The following TRABD2B variants were observed in gnomAD, a reference collection of about 807,000 sequenced individuals.
TRABD2B encodes metalloprotease TIKI2.
TRABD2B carries 14 observed loss-of-function variants against 40.1 expected under a neutral mutation model. The observed-to-expected ratio is 0.35, with a 90% CI of 0.23 to 0.55. TRABD2B has a LOEUF of 0.55. Among genes scored for constraint, TRABD2B ranks in the 20% least tolerant of loss-of-function variants. The pLI is 0.90. For synonymous variants in TRABD2B, 263 were observed against 277.0 expected (o/e 0.95, Z 0.50); for missense variants, 541 against 648.6 (o/e 0.83, Z 1.80).
intron 2 of TRABD2B, among the ~76,000 whole-genome samples, chr1:47,915,028 C>T (rs184568194): frequency 1.3e-5 from 2 of 152,350 alleles, no homozygotes; most frequent in African/African-American, 4.8e-5. Context: ...TGCCATGAGG[C>T]AGATTCATTA....
At chr1:47,931,595 A>T (rs1645040667) in intron 2 of TRABD2B, among the ~76,000 whole-genome samples, 1 of 152,128 alleles carries the variant, frequency 6.6e-6, no homozygotes, top group South Asian at 2.1e-4. Context: ...GAGAAGTTCA[A>T]CTATGCTTCT....
intron 2 of TRABD2B, among the ~76,000 whole-genome samples, chr1:47,848,772 G>A (rs557339628): frequency 6.6e-6 from 1 of 152,292 alleles, no homozygotes; most frequent in South Asian, 2.1e-4. Context: ...CACAGCAAAG[G>A]AATAATGGGA....
At chr1:47,914,750 G>A (rs755386553) in intron 2 of TRABD2B, among the ~76,000 whole-genome samples, 8 of 152,210 alleles carry the variant, frequency 5.3e-5, no homozygotes, top group Non-Finnish European at 1.0e-4. Context: ...CAGCAGAATC[G>A]GAACCAGGTC....
chr1:47,775,341 G>A lies in TRABD2B; in HGVS notation c.1178C>T (p.Thr393Ile), dbSNP rs1644430355. 3 of 1,241,344 alleles carry A rather than the reference G, an allele frequency of 2.4e-6. No individual in the cohort carries two copies. The highest frequency in any genetic ancestry group is 2.0e-6 in the Non-Finnish European group (2 of 991,212). The allele number at this position is 1,241,344 out of a possible 1,614,324, so 76.9% of individuals were successfully genotyped here. ...AAAVPEAPSVTPTAPPEDEDP... is the reference protein window; with the variant it reads ...AAAVPEAPSVIPTAPPEDEDP... ...CTCATCCTCTGGTGGGGCGGTGGGG[G>A]TCACAGAGGGTGCTTCGGGGACAGC... The change falls in exon 6 of 7, where the codon ACC becomes ATC. Residue 393 changes from threonine (T) to isoleucine (I), a missense_variant. Thr to Ile is a moderately conservative substitution (Grantham distance 89). This residue lies in a region of TRABD2B where 172 missense variants were observed against 155.8 expected (regional missense o/e 1.10). Coordinates refer to ENST00000606738, the MANE Select transcript of TRABD2B (RefSeq NM_001194986.2).
chr1:47,888,534 T>G (rs1248626442), intron 2 of TRABD2B, among the ~76,000 whole-genome samples: 1 of 152,210 alleles, frequency 6.6e-6, no homozygotes, highest in East Asian at 1.9e-4. Context: ...CTCCTGTCCC[T>G]TCTTCAGATC....
At chr1:47,945,246 C>T (rs1645244994) in intron 2 of TRABD2B, among the ~76,000 whole-genome samples, 1 of 152,130 alleles carries the variant, frequency 6.6e-6, no homozygotes, top group South Asian at 2.1e-4. Context: ...AGACGATGAG[C>T]CCCCAGGCAC....
chr1:47,789,714 TG>T (rs776978729), intron 4 of TRABD2B, among the ~76,000 whole-genome samples: 2 of 152,158 alleles, frequency 1.3e-5, no homozygotes, highest in African/African-American at 2.4e-5. Flanking sequence ...CCAAATTACT[TG>T]CCTGCCAGCC....
At chr1:47,771,977 G>C (rs570421094) in intron 6 of TRABD2B, among the ~76,000 whole-genome samples, 2 of 152,188 alleles carry the variant, frequency 1.3e-5, no homozygotes, top group East Asian at 3.9e-4. Flanking sequence ...TGATCCTCAC[G>C]GCCTCCCAGC....
In TRABD2B at chr1:47,803,487, A is replaced by G. The variant is rs1435300262; in HGVS notation, c.667-1868T>C. Among the ~76,000 whole-genome samples, 3 of 152,280 alleles carry G rather than the reference A, an allele frequency of 2.0e-5. No individual in the cohort carries two copies. The East Asian group carries it at 5.8e-4, about 29-fold the overall frequency. ...AGCCGTCCAGCGAAGGCCATCCTCC[A>G]CCAAGAATAGCCAACAGCCTGCCAA... On this transcript the variant is annotated intron_variant, in intron 2 of 6. Coordinates refer to ENST00000606738, the MANE Select transcript of TRABD2B (RefSeq NM_001194986.2).
rs1423294747 is a variant in TRABD2B, at chr1:47,778,474, G to A, written c.1059C>T (p.Pro353=). 9.8e-6 allele frequency: 15 copies of A among 1,535,950 alleles called. No individual in the cohort carries two copies. Among genetic ancestry groups the A allele is most frequent in the African/African-American group, 1.4e-5 (1 of 73,038 alleles). ...RQAGLEVDHT[P]AGQAIHSPAP... is the part of the protein sequence containing the mutation. Reference sequence around the variant, plus strand: ...CTTACCTGTGTATGGCCTGCCCGGCGGGTGTGTGGTCCACCTCCAGCCCTG... The same window carrying A: ...CTTACCTGTGTATGGCCTGCCCGGCAGGTGTGTGGTCCACCTCCAGCCCTG... Residue 353 remains proline (P), a synonymous_variant, in exon 5 of 7, where the codon CCC becomes CCT. Coordinates refer to ENST00000606738, the MANE Select transcript of TRABD2B (RefSeq NM_001194986.2).
In TRABD2B at chr1:47,831,397, G is replaced by C. The variant is rs923862850; in HGVS notation, c.667-29778C>G. ...ATTTAAAATACACTCAGAGGAGCCTGGGGCTCCTTTGCTGCTGCGGGCGCA... is the reference window on the plus strand; with the variant it reads ...ATTTAAAATACACTCAGAGGAGCCTCGGGCTCCTTTGCTGCTGCGGGCGCA... On this transcript the variant is annotated intron_variant, in intron 2 of 6. Transcript: ENST00000606738. Among the ~76,000 whole-genome samples, 10 of 152,282 alleles carry C rather than the reference G, an allele frequency of 6.6e-5. No homozygotes were observed. The East Asian group carries it at 1.9e-3, about 29-fold the overall frequency.
intron 4 of TRABD2B, among the ~76,000 whole-genome samples, chr1:47,782,615 G>A (rs1252549374): frequency 6.6e-6 from 1 of 152,194 alleles, no homozygotes; most frequent in African/African-American, 2.4e-5. Context: ...GGAGACCTGA[G>A]CTCATGGATC....
intron 6 of TRABD2B, among the ~76,000 whole-genome samples, chr1:47,771,049 A>T (rs1217054895): frequency 2.0e-5 from 3 of 152,148 alleles, no homozygotes; most frequent in Non-Finnish European, 4.4e-5. Context: ...CCTGCTTCTC[A>T]TTCTCATGGG....
At chr1:47,854,288 T>C (rs754834418) in intron 2 of TRABD2B, among the ~76,000 whole-genome samples, 45 of 152,226 alleles carry the variant, frequency 3.0e-4, no homozygotes, top group Admixed American at 5.9e-4. Flanking sequence ...CTAGGAAAGG[T>C]TGTGAATGAC....
intron 2 of TRABD2B, among the ~76,000 whole-genome samples, chr1:47,974,678 G>A (rs144548976): frequency 4.4e-4 from 67 of 152,244 alleles, no homozygotes; most frequent in African/African-American, 1.6e-3. Flanking sequence ...ACTTGTTAAC[G>A]ACAGAGCAGT....
At chr1:47,836,761 T>G (rs1334667270) in intron 2 of TRABD2B, among the ~76,000 whole-genome samples, 1 of 152,194 alleles carries the variant, frequency 6.6e-6, no homozygotes, top group African/African-American at 2.4e-5. Context: ...AGATTAGTAC[T>G]TACAAAAGAG....
At chr1:47,825,348 A>G (rs552229415) in intron 2 of TRABD2B, among the ~76,000 whole-genome samples, 1 of 152,256 alleles carries the variant, frequency 6.6e-6, no homozygotes, top group East Asian at 1.9e-4. Context: ...CTGCCTCCTT[A>G]TCCTCCACAG....
intron 2 of TRABD2B, among the ~76,000 whole-genome samples, chr1:47,846,859 C>CACAT (rs949402919): frequency 2.9e-4 from 8 of 27,596 alleles, no homozygotes; most frequent in Non-Finnish European, 5.6e-4. Context: ...AACATGCATA[C>CACAT]ACACACACAC....
At chr1:47,944,389 A>G (rs1012728920) in intron 2 of TRABD2B, among the ~76,000 whole-genome samples, 4 of 152,366 alleles carry the variant, frequency 2.6e-5, no homozygotes, top group South Asian at 2.1e-4. Flanking sequence ...AATGGGAAAA[A>G]AGAAATAACC....
Sources: allele counts gnomAD v4.1 joint callset (sites outside exome capture counted in the v4.1 genomes callset), GRCh38; gene constraint gnomAD v4.1.1; regional missense constraint gnomAD v4.1.1; transcripts MANE v1.5; gene names NCBI Gene and HGNC (gene_info 2026-07-23, HGNC 2026-07-21).